CACNA1C: variants seen among roughly 807,000 people sequenced by gnomAD.
CACNA1C encodes the protein calcium voltage-gated channel subunit alpha1 C.
A neutral mutation model predicts 229.0 loss-of-function variants in CACNA1C; 30 were observed. The observed-to-expected ratio is 0.13, with a 90% CI of 0.10 to 0.18. The LOEUF is 0.18. Ranked by LOEUF, CACNA1C falls within the 10% of genes least tolerant of loss-of-function variation. The pLI, the probability that CACNA1C is intolerant of heterozygous loss-of-function variation, is 1.00. For missense variants in CACNA1C, 1,658 were observed against 2,845.0 expected, an observed-to-expected ratio of 0.58 and a Z score of 9.49; for synonymous variants, 1,114 against 1,132.5, an observed-to-expected ratio of 0.98 and a Z score of 0.33.
chr12:2,071,240 T>G (rs2061238083), intron 1 of CACNA1C, among the ~76,000 whole-genome samples: 1 of 145,856 alleles, frequency 6.9e-6, no homozygotes, highest in African/African-American at 2.5e-5. Flanking sequence ...CCCTTTCCTT[T>G]GACAGGGTCT....
At position 2,206,808 on chromosome 12, in the gene CACNA1C, G is replaced by T. The variant is rs113580524; in HGVS notation, c.477+86378G>T. 9.4e-4 allele frequency among the ~76,000 whole-genome samples: 143 copies of T among 152,334 alleles called. 2 individuals are homozygous for T. The highest frequency in any genetic ancestry group is 3.4e-3 in the Middle Eastern group (1 of 294). On this transcript the variant is annotated intron_variant, in intron 3 of 46. Coordinates refer to ENST00000399655, the MANE Select transcript of CACNA1C (RefSeq NM_000719.7). ...AGGGTGGTGAAGATTTAGGAGCACA[G>T]ATTTATCCTGCAGACCATCTCCCAC... is the stretch of plus-strand genomic sequence containing the variant.
At chr12:2,432,084 A>G (rs2099091360) in intron 3 of CACNA1C, among the ~76,000 whole-genome samples, 1 of 152,214 alleles carries the variant, frequency 6.6e-6, no homozygotes, top group East Asian at 1.9e-4. Context: ...AGCAAGGAGA[A>G]CAGACCCATT....
chr12:2,453,226 A>G (rs1177171628), intron 4 of CACNA1C, among the ~76,000 whole-genome samples: 1 of 152,104 alleles, frequency 6.6e-6, no homozygotes, highest in Non-Finnish European at 1.5e-5. Context: ...TTTCTAGACC[A>G]ATCCCCTCAT....
intron 37 of CACNA1C, among the ~76,000 whole-genome samples, chr12:2,667,633 T>C (rs2153722210): frequency 6.6e-6 from 1 of 152,260 alleles, no homozygotes; most frequent in East Asian, 1.9e-4. Context: ...ACAAACACCA[T>C]GCAAGGCAAG....
At chr12:2,459,883 T>C (rs1438528642) in intron 5 of CACNA1C, among the ~76,000 whole-genome samples, 1 of 152,124 alleles carries the variant, frequency 6.6e-6, no homozygotes, top group Non-Finnish European at 1.5e-5. Context: ...TTATTAGGGG[T>C]ATTAGGACGT....
In CACNA1C at chr12:2,540,113, C is replaced by T. The variant is rs188379792; in HGVS notation, c.1391-9830C>T. On this transcript the variant is annotated intron_variant, in intron 9 of 46. Coordinates refer to ENST00000399655, the MANE Select transcript of CACNA1C (RefSeq NM_000719.7). ...AGCGAACGCCCCACCTCTCTCTCCT[C>T]GGGTCCACCCACGGACGTCCTGCTA... is the stretch of plus-strand genomic sequence containing the variant. Among the ~76,000 whole-genome samples, 515 of 152,262 alleles carry T rather than the reference C, an allele frequency of 3.4e-3. 5 individuals are homozygous for T. Among genetic ancestry groups the T allele is most frequent in the African/African-American group, 0.012 (503 of 41,552 alleles).
At chr12:2,516,228 A>G (rs1253526521) in intron 9 of CACNA1C, among the ~76,000 whole-genome samples, 4 of 152,140 alleles carry the variant, frequency 2.6e-5, no homozygotes, top group Admixed American at 2.6e-4. Context: ...GCCAATGAGA[A>G]GGGGCCACGC....
chr12:2,149,375 G>A (rs1241111095), intron 3 of CACNA1C, among the ~76,000 whole-genome samples: 1 of 152,140 alleles, frequency 6.6e-6, no homozygotes, highest in Non-Finnish European at 1.5e-5. Context: ...AAATGTCACG[G>A]TCTTTTCTGG....
chr12:2,298,283 C>T lies in CACNA1C; in HGVS notation c.478-150693C>T, dbSNP rs988421324. ...CTATAGTTACAGCTCAAGTTTACAA[C>T]GCAAGCATCTCTCAGGTGACAGGGT... On this transcript the variant is annotated intron_variant, in intron 3 of 46. Transcript: ENST00000399655. Among the ~76,000 whole-genome samples the T allele has an allele frequency of 5.3e-5, 8 of 152,190 alleles. No homozygotes were observed. The East Asian group carries it at 7.7e-4, about 15-fold the overall frequency.
chr12:2,683,523 G>A lies in CACNA1C; in HGVS notation c.5573+845G>A, dbSNP rs530136267. Among the ~76,000 whole-genome samples, 227 of 152,342 alleles carry A rather than the reference G, an allele frequency of 1.5e-3. 2 individuals carry two copies. The highest frequency in any genetic ancestry group is 5.3e-3 in the African/African-American group (221 of 41,584). Reference sequence around the variant, plus strand: ...ACTCACAACAGGCCTCTGAGACAGAGAGGGCATATGTCATTTCAATTTTGT... The same window carrying A: ...ACTCACAACAGGCCTCTGAGACAGAAAGGGCATATGTCATTTCAATTTTGT... On this transcript the variant is annotated intron_variant, in intron 43 of 46. Coordinates refer to ENST00000399655, the MANE Select transcript of CACNA1C (RefSeq NM_000719.7).
chr12:2,257,341 G>T lies in CACNA1C; in HGVS notation c.477+136911G>T, dbSNP rs1159965204. On this transcript the variant is annotated intron_variant, in intron 3 of 46. Transcript: ENST00000399655. ...CAGTTCAGTCTTCTCTAGCACAGCG[G>T]TCTCCAACCTTTTTGGCACCAGGAA... is the stretch of plus-strand genomic sequence containing the variant. Among the ~76,000 whole-genome samples, 3 of 152,194 alleles carry T rather than the reference G, an allele frequency of 2.0e-5. No homozygotes were observed. The East Asian group carries it at 5.8e-4, about 29-fold the overall frequency.
intron 3 of CACNA1C, among the ~76,000 whole-genome samples, chr12:2,278,005 G>C (rs1180322087): frequency 6.6e-6 from 1 of 152,222 alleles, no homozygotes; most frequent in East Asian, 1.9e-4. Context: ...GGCCACCCAT[G>C]CTGGGTGCTG....
At chr12:2,545,387 T>C (rs930501105) in intron 9 of CACNA1C, among the ~76,000 whole-genome samples, 2 of 152,086 alleles carry the variant, frequency 1.3e-5, no homozygotes, top group Non-Finnish European at 2.9e-5. Flanking sequence ...TTGGTCATCG[T>C]CAACTTCCCA....
intron 1 of CACNA1C, among the ~76,000 whole-genome samples, chr12:2,093,847 G>A (rs1382567104): frequency 2.0e-5 from 3 of 152,210 alleles, no homozygotes; most frequent in Non-Finnish European, 4.4e-5. Context: ...GCAGTTGCAG[G>A]CTGCCAGGGG....
rs376927460 is a variant in CACNA1C at position 2,577,537 on chromosome 12, AT to A, written c.1896-4052del. ...CCCTCCCCATGGATGTAGGGAAGCT[AT>A]GGGAATAGGAAGGCTATGGGAGCAG... On this transcript the variant is annotated intron_variant, in intron 13 of 46. Transcript: ENST00000399655. 3.5e-3 allele frequency among the ~76,000 whole-genome samples: 538 copies of A among 152,308 alleles called. 5 individuals are homozygous for A. The highest frequency in any genetic ancestry group is 0.012 in the African/African-American group (512 of 41,562).
intron 18 of CACNA1C, among the ~76,000 whole-genome samples, chr12:2,586,258 A>G (rs1242398690): frequency 1.3e-5 from 2 of 152,210 alleles, no homozygotes; most frequent in African/African-American, 4.8e-5. Flanking sequence ...TGCTCACTTA[A>G]TATTAATAGT....
In CACNA1C at chr12:2,679,869, A is replaced by T; in HGVS notation, c.5444+73A>T. 8.9e-7 allele frequency: 1 copy of T among 1,126,116 alleles called. No homozygotes were observed. The highest frequency in any genetic ancestry group is 1.3e-6 in the Non-Finnish European group (1 of 796,846). 69.8% of individuals were successfully genotyped at this position (1,126,116 alleles called of 1,614,324 possible). A position where few individuals can be genotyped will look rare whatever the true frequency, so the allele number is the denominator to read the frequency against. On this transcript the variant is annotated intron_variant, in intron 42 of 46. Transcript: ENST00000399655. This position sits in a 1 kb window ranked among gnomAD's most constrained non-coding sequence, Gnocchi z 5.5. ...TGCAACCCTCAGGAGACAGTGGAGG[A>T]GACGGAGGCCTCGGCCAGCCACTTG...
In CACNA1C at chr12:2,585,132, CG is replaced by C. The variant is rs1248062480; in HGVS notation, c.2340-243del. Among the ~76,000 whole-genome samples, 3 of 152,156 alleles carry C rather than the reference CG, an allele frequency of 2.0e-5. No homozygotes were observed. Among genetic ancestry groups the C allele is most frequent in the Non-Finnish European group, 2.9e-5 (2 of 68,022 alleles). On this transcript the variant is annotated intron_variant, in intron 16 of 46. Transcript: ENST00000399655. This position sits in a 1 kb window ranked among gnomAD's most constrained non-coding sequence, Gnocchi z 4.1. Reference sequence around the variant, plus strand: ...GATCCACCATCCTTTTCTGCTTTGGCGACCCAGGCATCTCTGGAGCTGCAAG... The same window carrying C: ...GATCCACCATCCTTTTCTGCTTTGGCACCCAGGCATCTCTGGAGCTGCAAG...
intron 1 of CACNA1C, chr12:2,004,391 C>G (rs529525752): frequency 6.2e-7 from 1 of 1,612,360 alleles, no homozygotes; most frequent in Non-Finnish European, 8.5e-7. Context: ...GCTGATGTCG[C>G]GCCCCTTTCC....
Sources: gnomAD v4.1 joint callset for allele counts (sites outside exome capture counted in the v4.1 genomes callset) on GRCh38, gnomAD v4.1.1 for gene constraint, Gnocchi (gnomAD v3.1) non-coding constraint, MANE v1.5 for transcripts, NCBI Gene and HGNC (gene_info 2026-07-23, HGNC 2026-07-21) for gene names.